Variants in MTUS2 observed in about 807,000 individuals in gnomAD.
MTUS2 encodes the protein microtubule associated scaffold protein 2.
In MTUS2, 40 loss-of-function variants were observed where a neutral mutation model predicts 114.1. The ratio of observed to expected loss-of-function variants is 0.35; its 90% CI spans 0.27 to 0.46. MTUS2 has a LOEUF of 0.46. MTUS2 is among the 20% of genes least tolerant of loss of function. The probability of loss-of-function intolerance (pLI) is 1.00; values close to 1 mark genes in which losing one functional copy is unlikely to be tolerated. For missense variants in MTUS2, 1,679 were observed against 1,705.4 expected, an observed-to-expected ratio of 0.98 and a Z score of 0.27; for synonymous variants, 688 against 672.0, an observed-to-expected ratio of 1.02 and a Z score of -0.37.
At chr13:29,116,243 T>C (rs1891080770) in intron 5 of MTUS2, among the ~76,000 whole-genome samples, 1 of 152,214 alleles carries the variant, frequency 6.6e-6, no homozygotes, top group Non-Finnish European at 1.5e-5. Flanking sequence ...ATCCATAAGA[T>C]AGAATTAGAT....
intron 5 of MTUS2, among the ~76,000 whole-genome samples, chr13:29,190,397 A>T (rs547663267): frequency 6.6e-6 from 1 of 152,210 alleles, no homozygotes; most frequent in African/African-American, 2.4e-5. Flanking sequence ...ACCTGCCCAC[A>T]TTTATAAAGC....
At chr13:29,234,541 A>G (rs61266158) in intron 5 of MTUS2, among the ~76,000 whole-genome samples, 9,209 of 152,194 alleles carry the variant, frequency 0.061, 299 homozygotes, top group Middle Eastern at 0.078. Context: ...AATTATTTTG[A>G]TGGAAAGCCT....
intron 2 of MTUS2, among the ~76,000 whole-genome samples, chr13:28,954,934 C>T (rs867625464): frequency 3.9e-5 from 6 of 152,084 alleles, no homozygotes; most frequent in Non-Finnish European, 8.8e-5. Context: ...TGTTGACTGC[C>T]CCCAGACAGT....
chr13:29,233,959 A>G (rs1228248596), intron 5 of MTUS2, among the ~76,000 whole-genome samples: 2 of 152,210 alleles, frequency 1.3e-5, no homozygotes, highest in African/African-American at 4.8e-5. Context: ...GCTGCTTCTC[A>G]AAAGAGAAGC....
At chr13:29,189,483 G>A (rs1231022599) in intron 5 of MTUS2, among the ~76,000 whole-genome samples, 1 of 151,692 alleles carries the variant, frequency 6.6e-6, no homozygotes, top group Non-Finnish European at 1.5e-5. Context: ...TGTTAAAACT[G>A]GTAATATCCA....
chr13:28,916,046 GA>G lies in MTUS2; in HGVS notation c.-243+76204del, dbSNP rs879540098. Among the ~76,000 whole-genome samples the G allele has an allele frequency of 8.3e-4, 125 of 151,336 alleles. No individual in the cohort carries two copies. In the Middle Eastern group the frequency reaches 0.02, roughly 25 times the overall value. On this transcript the variant is annotated intron_variant, in intron 2 of 15. Coordinates refer to ENST00000612955, the MANE Select transcript of MTUS2 (RefSeq NM_001033602.4). ...TCCAGTTTTCCCAGCACCATTTATT[GA>G]AAAAAAACTTTTTTCCCCCATTGTA... is the stretch of plus-strand genomic sequence containing the variant.
chr13:29,302,279 C>T (rs1899238385), intron 6 of MTUS2, among the ~76,000 whole-genome samples: 2 of 152,144 alleles, frequency 1.3e-5, no homozygotes, highest in Non-Finnish European at 2.9e-5. Flanking sequence ...CCACCCCCAG[C>T]CAAGGGAACC....
At chr13:29,132,548 G>C (rs1363311662) in intron 5 of MTUS2, among the ~76,000 whole-genome samples, 1 of 152,072 alleles carries the variant, frequency 6.6e-6, no homozygotes, top group Non-Finnish European at 1.5e-5. Flanking sequence ...CCACAATTCT[G>C]CTTTCTGTCT....
intron 2 of MTUS2, among the ~76,000 whole-genome samples, chr13:28,912,837 T>C (rs2453709): frequency 0.68 from 103,141 of 152,004 alleles, 37,763 homozygotes; most frequent in Non-Finnish European, 0.82. Context: ...TGTTGGTTTA[T>C]TGGAATGCTA....
chr13:29,227,998 T>C, intron 5 of MTUS2, among the ~76,000 whole-genome samples: 1 of 151,638 alleles, frequency 6.6e-6, no homozygotes, highest in East Asian at 1.9e-4. Flanking sequence ...AATTATTGCA[T>C]CCTTTTTGGA....
intron 8 of MTUS2, chr13:29,428,650 T>A: frequency 1.0e-6 from 1 of 982,902 alleles, no homozygotes; most frequent in South Asian, 2.1e-5. Context: ...GCTGCCCTGC[T>A]CTCCTCCTCC....
intron 5 of MTUS2, among the ~76,000 whole-genome samples, chr13:29,221,226 C>G (rs1380588532): frequency 6.6e-6 from 1 of 152,186 alleles, no homozygotes; most frequent in Non-Finnish European, 1.5e-5. Context: ...AGAGGAGAAC[C>G]ACAGATTGTG....
intron 2 of MTUS2, among the ~76,000 whole-genome samples, chr13:28,906,824 C>T (rs2137988093): frequency 6.6e-6 from 1 of 151,642 alleles, no homozygotes; most frequent in East Asian, 1.9e-4. Flanking sequence ...TTGGAAAACA[C>T]TTTGCACGGT....
At chr13:29,084,783 C>T (rs565327131) in intron 4 of MTUS2, among the ~76,000 whole-genome samples, 7,745 of 118,258 alleles carry the variant, frequency 0.065, 884 homozygotes, top group African/African-American at 0.22. Flanking sequence ...GGTGATCCAC[C>T]CCCCCCCCTC....
intron 4 of MTUS2, among the ~76,000 whole-genome samples, chr13:29,060,019 CT>C (rs1455206845): frequency 1.3e-5 from 2 of 152,216 alleles, no homozygotes; most frequent in Non-Finnish European, 2.9e-5. Flanking sequence ...GTCACCTGTC[CT>C]GCCATTTGAG....
chr13:29,436,617 C>T (rs1234103969), intron 8 of MTUS2, among the ~76,000 whole-genome samples: 1 of 152,152 alleles, frequency 6.6e-6, no homozygotes, highest in Non-Finnish European at 1.5e-5. Flanking sequence ...CATCTAATGA[C>T]TATAGTTTGG....
intron 9 of MTUS2, among the ~76,000 whole-genome samples, chr13:29,471,742 G>GCCCCGCC (rs1880319241): frequency 7.6e-6 from 1 of 131,602 alleles, no homozygotes; most frequent in African/African-American, 3.1e-5. Context: ...TGCAGGCCCA[G>GCCCCGCC]CCCCCCCCGA....
intron 8 of MTUS2, among the ~76,000 whole-genome samples, chr13:29,362,573 A>G (rs4385992): frequency 0.56 from 85,009 of 151,986 alleles, 27,380 homozygotes; most frequent in South Asian, 0.74. Flanking sequence ...TGTGATCCCA[A>G]CTACTTGGGA....
At chr13:29,485,997 C>T (rs1881590069) in intron 10 of MTUS2, among the ~76,000 whole-genome samples, 1 of 152,154 alleles carries the variant, frequency 6.6e-6, no homozygotes, top group South Asian at 2.1e-4. Context: ...TGTAATGGAG[C>T]AGAAAGAAAA....
Sources: gnomAD v4.1 joint callset for allele counts (sites outside exome capture counted in the v4.1 genomes callset) on GRCh38, gnomAD v4.1.1 for gene constraint, MANE v1.5 for transcripts, NCBI Gene and HGNC (gene_info 2026-07-23, HGNC 2026-07-21) for gene names.